TAFA1: variants seen among roughly 807,000 people sequenced by gnomAD.
TAFA1 encodes the protein chemokine-like protein TAFA-1.
Under a neutral mutation model 18.5 loss-of-function variants are expected in TAFA1, and 4 were observed. The ratio of observed to expected loss-of-function variants is 0.22; its 90% CI spans 0.11 to 0.49. The LOEUF (loss-of-function observed/expected upper bound fraction) is 0.49. TAFA1 is among the 20% of genes least tolerant of loss of function. The pLI, the probability that TAFA1 is intolerant of heterozygous loss-of-function variation, is 0.98. For missense variants in TAFA1, 147 were observed against 169.0 expected (o/e 0.87, Z 0.72); for synonymous variants, 56 against 55.2 (o/e 1.01, Z -0.06).
intron 2 of TAFA1, among the ~76,000 whole-genome samples, chr3:68,114,270 G>T (rs1428195178): frequency 6.6e-6 from 1 of 152,038 alleles, no homozygotes; most frequent in Non-Finnish European, 1.5e-5. Flanking sequence ...AGACCATCCA[G>T]CCCCCATTCA....
upstream of TAFA1, among the ~76,000 whole-genome samples, chr3:67,999,280 CCTCT>C (rs1291946967): frequency 6.7e-6 from 1 of 149,790 alleles, no homozygotes; most frequent in Non-Finnish European, 1.5e-5. Context: ...CCCCCCCCCC[CCTCT>C]CTCTGTGTGT....
At chr3:68,309,288 AAAT>A (rs2068475724) in intron 2 of TAFA1, among the ~76,000 whole-genome samples, 1 of 152,210 alleles carries the variant, frequency 6.6e-6, no homozygotes, top group African/African-American at 2.4e-5. Context: ...TACAAAAGTG[AAAT>A]AATAATCAAT....
intron 3 of TAFA1, among the ~76,000 whole-genome samples, chr3:68,518,135 C>G (rs1181294996): frequency 2.0e-5 from 3 of 152,154 alleles, no homozygotes; most frequent in African/African-American, 7.2e-5. Context: ...CTTTTTCAAC[C>G]TCCTCTCAAC....
chr3:68,051,421 C>G (rs534007768), intron 2 of TAFA1, among the ~76,000 whole-genome samples: 1 of 152,164 alleles, frequency 6.6e-6, no homozygotes, highest in South Asian at 2.1e-4. Flanking sequence ...TGGTTATTAA[C>G]CAGGGGCAAT....
intron 2 of TAFA1, among the ~76,000 whole-genome samples, chr3:68,229,419 C>T (rs147063993): frequency 4.5e-4 from 69 of 152,308 alleles, no homozygotes; most frequent in African/African-American, 1.4e-3. Context: ...AAAATGTCAT[C>T]GCTCAACCAT....
intron 3 of TAFA1, among the ~76,000 whole-genome samples, chr3:68,507,198 T>G (rs1017478504): frequency 7.9e-5 from 12 of 152,030 alleles, no homozygotes; most frequent in Admixed American, 7.9e-4. Context: ...AGCCCTTGGA[T>G]AGCCAGTTAG....
chr3:68,012,821 C>T (rs985089681), intron 2 of TAFA1, among the ~76,000 whole-genome samples: 3 of 152,066 alleles, frequency 2.0e-5, no homozygotes, highest in African/African-American at 7.2e-5. Context: ...TTTTAAGGGT[C>T]TTAATCCAGT....
At chr3:68,386,126 T>C (rs564598266) in intron 2 of TAFA1, among the ~76,000 whole-genome samples, 76 of 152,268 alleles carry the variant, frequency 5.0e-4, no homozygotes, top group African/African-American at 1.8e-3. Flanking sequence ...GAACAAGACA[T>C]TGTGCCAAAT....
intron 2 of TAFA1, among the ~76,000 whole-genome samples, chr3:68,183,453 A>G (rs2066231848): frequency 6.6e-6 from 1 of 152,186 alleles, no homozygotes; most frequent in South Asian, 2.1e-4. Flanking sequence ...TGAGGTGCAT[A>G]TTAATAGCTT....
intron 3 of TAFA1, among the ~76,000 whole-genome samples, chr3:68,532,642 A>G (rs1380399029): frequency 1.3e-5 from 2 of 152,114 alleles, no homozygotes; most frequent in Non-Finnish European, 2.9e-5. Context: ...ATCACTTATC[A>G]TAAGTATCTC....
At chr3:68,185,874 A>G (rs949959454) in intron 2 of TAFA1, among the ~76,000 whole-genome samples, 8 of 151,902 alleles carry the variant, frequency 5.3e-5, no homozygotes, top group African/African-American at 1.9e-4. Context: ...ATTGCACTTC[A>G]ACCTGGGTAA....
At chr3:68,178,409 G>T (rs796763675) in intron 2 of TAFA1, among the ~76,000 whole-genome samples, 1 of 152,074 alleles carries the variant, frequency 6.6e-6, no homozygotes, top group East Asian at 1.9e-4. Flanking sequence ...GACCAAAAAC[G>T]TTATCAAAGA....
At chr3:68,375,581 T>C (rs936087260) in intron 2 of TAFA1, among the ~76,000 whole-genome samples, 1 of 152,212 alleles carries the variant, frequency 6.6e-6, no homozygotes, top group Non-Finnish European at 1.5e-5. Flanking sequence ...GATTAACTTA[T>C]AGATGATTTC....
chr3:68,504,837 G>A (rs1559697373), intron 3 of TAFA1, among the ~76,000 whole-genome samples: 1 of 152,158 alleles, frequency 6.6e-6, no homozygotes, highest in East Asian at 1.9e-4. Context: ...GTACACAGAT[G>A]TACCATGACC....
At chr3:68,532,837 T>A (rs911192439) in intron 3 of TAFA1, among the ~76,000 whole-genome samples, 4 of 150,662 alleles carry the variant, frequency 2.7e-5, no homozygotes, top group Non-Finnish European at 5.9e-5. Flanking sequence ...ATAAAATGAG[T>A]TTATGAAAAA....
intron 2 of TAFA1, among the ~76,000 whole-genome samples, chr3:68,126,728 G>A (rs1192103141): frequency 6.6e-6 from 1 of 152,200 alleles, no homozygotes; most frequent in Non-Finnish European, 1.5e-5. Context: ...AATAAGGGAA[G>A]CTGGTATCAG....
rs568128105 is a variant in TAFA1, at chr3:68,418,753, G to A, written c.259+1333G>A. ...GAAAAACTGATGAACAAACAGAATT[G>A]TCCTGAGTCCTCAGTATGGATCAAA... On this transcript the variant is annotated intron_variant, in intron 3 of 4. Transcript: ENST00000478136. 2.5e-4 allele frequency among the ~76,000 whole-genome samples: 38 copies of A among 152,250 alleles called. 1 individual carries two copies. The highest frequency in any genetic ancestry group is 2.4e-3 in the Admixed American group (37 of 15,282).
chr3:68,163,102 T>C (rs1410703232), intron 2 of TAFA1, among the ~76,000 whole-genome samples: 1 of 152,168 alleles, frequency 6.6e-6, no homozygotes, highest in East Asian at 1.9e-4. Flanking sequence ...TAAATAAAAG[T>C]AAGTAGCTTT....
intron 2 of TAFA1, among the ~76,000 whole-genome samples, chr3:68,344,841 A>G (rs2069139132): frequency 6.6e-6 from 1 of 152,144 alleles, no homozygotes; most frequent in Non-Finnish European, 1.5e-5. Context: ...TATTATTTCT[A>G]TTTAATAGAT....
Sources: allele counts gnomAD v4.1 joint callset (sites outside exome capture counted in the v4.1 genomes callset), GRCh38; gene constraint gnomAD v4.1.1; transcripts MANE v1.5; gene names NCBI Gene and HGNC (gene_info 2026-07-23, HGNC 2026-07-21).